The following MAP3K12 variants were observed in gnomAD, a reference collection of about 807,000 sequenced individuals.
MAP3K12 encodes mitogen-activated protein kinase kinase kinase 12.
A neutral mutation model predicts 87.5 loss-of-function variants in MAP3K12; 14 were observed. The observed-to-expected ratio is 0.16, with a 90% CI of 0.11 to 0.25. The LOEUF is 0.25. Among genes scored for constraint, MAP3K12 ranks in the 10% least tolerant of loss-of-function variants. The probability of loss-of-function intolerance (pLI) is 1.00; values close to 1 mark genes in which losing one functional copy is unlikely to be tolerated. For synonymous variants in MAP3K12, 469 were observed against 452.5 expected (o/e 1.04, Z -0.46); for missense variants, 802 against 1,140.4 (o/e 0.70, Z 4.27).
Position 53,486,848 on chromosome 12 carries a change from T to C in MAP3K12, c.445+99A>G, listed in dbSNP as rs188187567. ...TGGCTAAGGGACTAGGGCTGGGCCA[T>C]GGGGAGGGAAGGGACCATTGCGTGA... On this transcript the variant is annotated intron_variant, in intron 2 of 13. Coordinates refer to ENST00000547488, the MANE Select transcript of MAP3K12 (RefSeq NM_001193511.2). The surrounding 1 kb of genome is among the most constrained non-coding windows in gnomAD (Gnocchi z 4.9). 5.1e-6 allele frequency: 8 copies of C among 1,559,372 alleles called. No homozygotes were observed. In the African/African-American group the frequency reaches 8.1e-5, roughly 16 times the overall value.
chr12:53,495,653 A>G (rs1471139379), intron 1 of MAP3K12, among the ~76,000 whole-genome samples: 1 of 151,898 alleles, frequency 6.6e-6, no homozygotes, highest in African/African-American at 2.4e-5. Flanking sequence ...GTCTCCCAAA[A>G]TGCTGGCATT....
chr12:53,482,805 G>T lies in MAP3K12; in HGVS notation c.1998C>A (p.Gly666=). The stretch of plus-strand genomic sequence containing the variant: ...TGTCACCCCGGGCCGGAGGTGGTGA[G>T]CCAGGATCCCCAGCTCCGCCTGTGG... ...RGATGGAGDP[G]SPPPARGDTP... is the part of the protein sequence containing the mutation. The change falls in exon 11 of 14, where the codon GGC becomes GGA. Residue 666 remains glycine (G), a synonymous_variant. Transcript: ENST00000547488. 2 of 1,611,568 alleles carry T rather than the reference G, an allele frequency of 1.2e-6. No individual in the cohort carries two copies. The highest frequency in any genetic ancestry group is 1.7e-6 in the Non-Finnish European group (2 of 1,178,320).
intron 1 of MAP3K12, among the ~76,000 whole-genome samples, chr12:53,491,437 G>GTT (rs1182105996): frequency 4.9e-5 from 7 of 143,150 alleles, no homozygotes; most frequent in African/African-American, 7.7e-5. Flanking sequence ...AGGCATAGAG[G>GTT]TTTTTTTTTT....
chr12:53,484,757 C>G (rs925513493), intron 6 of MAP3K12: 7 of 482,864 alleles, frequency 1.4e-5, no homozygotes, highest in Non-Finnish European at 2.6e-5. Context: ...TGAGGCTCAA[C>G]CAACCATGCT....
At chr12:53,481,800 T>G (rs1943059217) in intron 13 of MAP3K12, 141 bp downstream of exon 13, 5 of 1,045,582 alleles carry the variant, frequency 4.8e-6, no homozygotes. Flanking sequence ...AAGAGGCTTC[T>G]GAAATTCCAC....
intron 6 of MAP3K12, 128 bp downstream of exon 6, chr12:53,484,928 C>T (rs753289938): frequency 1.6e-6 from 2 of 1,238,962 alleles, no homozygotes; most frequent in Admixed American, 2.1e-5. Flanking sequence ...GTAGCATGAG[C>T]CTGATTCAGA....
intron 1 of MAP3K12, among the ~76,000 whole-genome samples, chr12:53,497,982 A>G (rs1943575653): frequency 6.6e-6 from 1 of 152,202 alleles, no homozygotes; most frequent in Admixed American, 6.5e-5. Context: ...CTCTTCAGCT[A>G]TAAGGAAGCC....
At chr12:53,481,870 T>C in intron 13 of MAP3K12, 71 bp downstream of exon 13, 1 of 1,551,538 alleles carries the variant, frequency 6.4e-7, no homozygotes, top group Non-Finnish European at 8.7e-7. Flanking sequence ...CCCCAAAAGC[T>C]GTTAAAAGAC....
Position 53,482,535 on chromosome 12 carries a change from A to T in MAP3K12, c.2238+30T>A, listed in dbSNP as rs368500975. The stretch of plus-strand genomic sequence containing the variant: ...CCCCAGGGAGGATAAGGAAAAAGGG[A>T]AAGAGCTTGGGAGCCTTCCCATACT... On this transcript the variant is annotated intron_variant, in intron 11 of 13. Coordinates refer to ENST00000547488, the MANE Select transcript of MAP3K12 (RefSeq NM_001193511.2). 3 of 1,595,312 alleles carry T rather than the reference A, an allele frequency of 1.9e-6. No individual in the cohort carries two copies. In the African/African-American group the frequency reaches 4.0e-5, roughly 21 times the overall value.
chr12:53,495,808 T>C (rs1030049987), intron 1 of MAP3K12, among the ~76,000 whole-genome samples: 1 of 152,170 alleles, frequency 6.6e-6, no homozygotes, highest in Non-Finnish European at 1.5e-5. Flanking sequence ...CCCTGAGAAC[T>C]TGGGGGAAAA....
At position 53,480,037 on chromosome 12, in the gene MAP3K12, A is replaced by G. The variant is rs1217130661; in HGVS notation, c.*1145T>C. 6.6e-6 allele frequency: 1 copy of G among 152,028 alleles called. No homozygotes were observed. Among genetic ancestry groups the G allele is most frequent in the East Asian group, 1.9e-4 (1 of 5,200 alleles). The allele number at this position is 152,028 out of a possible 1,614,324, so 9.4% of individuals were successfully genotyped here. Reference sequence around the variant, plus strand: ...TTGGCCCTTATAAAACTTGTGCCCAAAAGATTGAGGATTAGACTTTCCGAG... The same window carrying G: ...TTGGCCCTTATAAAACTTGTGCCCAGAAGATTGAGGATTAGACTTTCCGAG... On this transcript the variant is annotated 3_prime_UTR_variant, in exon 14 of 14. Transcript: ENST00000547488.
chr12:53,500,275 C>T (rs1943655224), upstream of MAP3K12: 1 of 152,102 alleles, frequency 6.6e-6, no homozygotes, highest in Non-Finnish European at 1.5e-5. Context: ...CAATGGGGCT[C>T]TAGGACTAAA....
Position 53,482,593 on chromosome 12 carries a change from A to G in MAP3K12, c.2210T>C (p.Leu737Pro), listed in dbSNP as rs754569354. 1.2e-6 allele frequency: 2 copies of G among 1,613,412 alleles called. No homozygotes were observed. The highest frequency in any genetic ancestry group is 1.7e-6 in the Non-Finnish European group (2 of 1,179,766). ...GSQHLTPAAL[L>P]YRAAVTRSQK... is the part of the protein sequence containing the mutation. ...ACTTCGGGTGACGGCAGCCCTGTACAGCAGTGCAGCTGGGGTCAAGTGCTG... is the reference window on the plus strand; with the variant it reads ...ACTTCGGGTGACGGCAGCCCTGTACGGCAGTGCAGCTGGGGTCAAGTGCTG... The change falls in exon 11 of 14, where the codon CTG becomes CCG. Residue 737 changes from leucine (L) to proline (P), a missense_variant. Coordinates refer to ENST00000547488, the MANE Select transcript of MAP3K12 (RefSeq NM_001193511.2).
chr12:53,483,424 A>G lies in MAP3K12; in HGVS notation c.1538T>C (p.Leu513Pro). 6.2e-7 allele frequency: 1 copy of G among 1,614,002 alleles called. No homozygotes were observed. The highest frequency in any genetic ancestry group is 8.5e-7 in the Non-Finnish European group (1 of 1,179,972). ...CTTCTCCATTGTGTTTCCATGCAGG[A>G]GGCCCCGGGAAGGGTGTGGCTTCAG... is the stretch of plus-strand genomic sequence containing the variant. ...GLLKPHPSRG[L>P]LHGNTMEKLI... Residue 513 changes from leucine (L) to proline (P), a missense_variant, in exon 10 of 14, where the codon CTC becomes CCC. Coordinates refer to ENST00000547488, the MANE Select transcript of MAP3K12 (RefSeq NM_001193511.2).
At chr12:53,498,134 C>T (rs535820187) in intron 1 of MAP3K12, among the ~76,000 whole-genome samples, 1 of 152,112 alleles carries the variant, frequency 6.6e-6, no homozygotes, top group Non-Finnish European at 1.5e-5. Flanking sequence ...ATGAATGATA[C>T]GCTTGAGGGG....
chr12:53,501,452 G>A (rs374991961), upstream of MAP3K12: 134 of 1,568,766 alleles, frequency 8.5e-5, no homozygotes, highest in Non-Finnish European at 1.1e-4. Context: ...ACGGGCTGCG[G>A]GCTGCCTAGG....
intron 1 of MAP3K12, among the ~76,000 whole-genome samples, chr12:53,488,951 A>G (rs1034195129): frequency 2.0e-5 from 3 of 151,224 alleles, no homozygotes; most frequent in African/African-American, 4.9e-5. Flanking sequence ...GTGGTGGTGG[A>G]TGCCTGTAAT....
intron 1 of MAP3K12, among the ~76,000 whole-genome samples, chr12:53,498,984 GT>G (rs1943610798): frequency 4.6e-5 from 2 of 43,732 alleles, no homozygotes; most frequent in African/African-American, 1.5e-4. Context: ...GTGTGTGTGT[GT>G]GTGTGTGTGT....
chr12:53,481,926 T>C lies in MAP3K12; in HGVS notation c.2580+15A>G, dbSNP rs771590543. ...TCCCTGTTCAATATCTGCTTTTTGC[T>C]GTTGTGCCACTCACCCGCTCTCTGA... On this transcript the variant is annotated intron_variant, in intron 13 of 13. Transcript: ENST00000547488. 15 of 1,608,008 alleles carry C rather than the reference T, an allele frequency of 9.3e-6. No homozygotes were observed. Among genetic ancestry groups the C allele is most frequent in the Non-Finnish European group, 1.3e-5 (15 of 1,175,412 alleles).
Sources: allele counts gnomAD v4.1 joint callset (sites outside exome capture counted in the v4.1 genomes callset), GRCh38; gene constraint gnomAD v4.1.1; non-coding constraint Gnocchi (gnomAD v3.1); transcripts MANE v1.5; gene names NCBI Gene and HGNC (gene_info 2026-07-23, HGNC 2026-07-21).